The following NFKBID variants were observed in gnomAD, a reference collection of about 807,000 sequenced individuals.
The protein encoded by NFKBID is NFKB inhibitor delta.
NFKBID carries 26 observed loss-of-function variants against 53.4 expected under a neutral mutation model. That is an observed-to-expected ratio of 0.49 (90% CI 0.36 to 0.68). NFKBID has a LOEUF of 0.68. Among genes scored for constraint, NFKBID ranks in the 30% least tolerant of loss-of-function variants. NFKBID has a pLI of 0.00. For synonymous variants in NFKBID, 262 were observed against 259.8 expected (o/e 1.01, Z -0.08); for missense variants, 493 against 614.1 (o/e 0.80, Z 2.08).
chr19:35,900,882 C>A (rs1975539981), upstream of NFKBID, among the ~76,000 whole-genome samples: 1 of 146,760 alleles, frequency 6.8e-6, no homozygotes, highest in African/African-American at 2.5e-5. Flanking sequence ...CTCTGTCGCC[C>A]AGGCTGGAGT....
intron 9 of NFKBID, among the ~76,000 whole-genome samples, chr19:35,891,952 G>A (rs1206951593): frequency 6.6e-6 from 1 of 151,974 alleles, no homozygotes; most frequent in Non-Finnish European, 1.5e-5. Context: ...GTGTGACCAA[G>A]GCTCACTGTA....
rs769474042 is a variant in NFKBID at position 35,896,427 on chromosome 19, C to A, written c.796G>T (p.Val266Leu). 6.2e-7 allele frequency: 1 copy of A among 1,614,202 alleles called. No individual in the cohort carries two copies. Among genetic ancestry groups the A allele is most frequent in the Non-Finnish European group, 8.5e-7 (1 of 1,180,046 alleles). The change falls in exon 7 of 12, where the codon GTG (valine) becomes TTG (leucine). Residue 266 changes from valine to leucine, a missense_variant. Coordinates refer to ENST00000641389, the Ensembl canonical transcript of NFKBID. The surrounding 1 kb of genome is among the most constrained non-coding windows in gnomAD (Gnocchi z 5.7). ...CCTGGGAGCCCGTAGGTAGCGGCCA[C>A]GTGCAAGACCGAACGTCCCTGATGG...
chr19:35,896,555 A>G lies in NFKBID; in HGVS notation c.685-17T>C. On this transcript the variant is annotated splice_polypyrimidine_tract_variant and intron_variant, in intron 6 of 11. Coordinates refer to ENST00000641389, the Ensembl canonical transcript of NFKBID. This position sits in a 1 kb window ranked among gnomAD's most constrained non-coding sequence, Gnocchi z 5.7. ...GAGAGGGGTCTGCAGGCCACAGGAGAAGTCAGGTTGGGCTCCTGGTTCCCT... is the reference window on the plus strand; with the variant it reads ...GAGAGGGGTCTGCAGGCCACAGGAGGAGTCAGGTTGGGCTCCTGGTTCCCT... The G allele has an allele frequency of 6.2e-7, 1 of 1,613,048 alleles. No homozygotes were observed.
chr19:35,893,616 C>T (rs1196524066), intron 9 of NFKBID, among the ~76,000 whole-genome samples: 5 of 150,670 alleles, frequency 3.3e-5, no homozygotes, highest in East Asian at 2.0e-4. Context: ...GTCAGGAGAT[C>T]GAGACCATCC....
At chr19:35,899,476 C>A (rs996212039) in intron 1 of NFKBID, among the ~76,000 whole-genome samples, 7 of 150,456 alleles carry the variant, frequency 4.7e-5, no homozygotes, top group Admixed American at 3.3e-4. Flanking sequence ...AACACTTGAA[C>A]CCGGGAGGCG....
intron 1 of NFKBID, among the ~76,000 whole-genome samples, chr19:35,899,231 C>T (rs553049023): frequency 1.5e-3 from 227 of 152,214 alleles, no homozygotes; most frequent in Non-Finnish European, 2.8e-3. Context: ...ATTTTTTTCC[C>T]TAGAACCTGA....
intron 9 of NFKBID, among the ~76,000 whole-genome samples, chr19:35,893,376 A>G (rs1455753762): frequency 2.6e-5 from 4 of 152,182 alleles, no homozygotes; most frequent in African/African-American, 9.7e-5. Context: ...TAACCCCGCT[A>G]ATAATGCCTT....
chr19:35,898,409 A>G (rs981487451), intron 3 of NFKBID, 63 bp downstream of exon 3: 5 of 1,061,522 alleles, frequency 4.7e-6, no homozygotes, highest in Non-Finnish European at 1.4e-6. Context: ...AAGTTCTGAG[A>G]GCTGCGATGT....
intron 9 of NFKBID, among the ~76,000 whole-genome samples, chr19:35,893,416 T>A (rs1391860966): frequency 2.6e-5 from 4 of 152,210 alleles, no homozygotes; most frequent in African/African-American, 9.6e-5. Context: ...ATGCCCGTCC[T>A]TCTTACAGTC....
chr19:35,895,096 A>C (rs1021232032), intron 9 of NFKBID, among the ~76,000 whole-genome samples: 1 of 152,198 alleles, frequency 6.6e-6, no homozygotes, highest in Non-Finnish European at 1.5e-5. Context: ...TGAGGTTTCA[A>C]TAAGCTAATC....
intron 9 of NFKBID, chr19:35,890,809 G>A: frequency 2.7e-6 from 1 of 372,382 alleles, no homozygotes; most frequent in Non-Finnish European, 5.3e-6. Context: ...GGCTGCAGTG[G>A]GCCATGACCA....
chr19:35,889,781 C>T (rs2146932272), intron 11 of NFKBID, 109 bp downstream of exon 11: 2 of 1,194,484 alleles, frequency 1.7e-6, no homozygotes, highest in Non-Finnish European at 2.4e-6. Flanking sequence ...AAGTCACCTT[C>T]CGAGATTAGA....
chr19:35,892,101 A>C (rs1348905221), intron 9 of NFKBID, among the ~76,000 whole-genome samples: 1 of 151,654 alleles, frequency 6.6e-6, no homozygotes, highest in African/African-American at 2.4e-5. Flanking sequence ...CCCAGGCTGG[A>C]GTGTGGTGGC....
rs765593204 is a variant in NFKBID at position 35,896,019 on chromosome 19, G to A, written c.993C>T (p.Val331=). Residue 331 remains valine, a synonymous_variant, in exon 9 of 12, where the codon GTC becomes GTT. Coordinates refer to ENST00000641389, the Ensembl canonical transcript of NFKBID. The surrounding 1 kb of genome is among the most constrained non-coding windows in gnomAD (Gnocchi z 5.7). ...TAGCACCCATTTGCAGCAACATGTG[G>A]ACACAATCCAGCCTGTCTCGGGCCT... The A allele has an allele frequency of 4.3e-6, 7 of 1,614,172 alleles. No homozygotes were observed. Among genetic ancestry groups the A allele is most frequent in the Non-Finnish European group, 5.1e-6 (6 of 1,180,040 alleles).
chr19:35,896,747 G>A lies in NFKBID; in HGVS notation c.663C>T (p.Asp221=), dbSNP rs138763721. 273 of 1,613,814 alleles carry A rather than the reference G, an allele frequency of 1.7e-4. No individual in the cohort carries two copies. In the African/African-American group the frequency reaches 3.4e-3, roughly 20 times the overall value. ...TCACCTTGCCCTTATGCTCACGAAT[G>A]TCAAGACGCCGGTACACCTGGAGCA... is the stretch of plus-strand genomic sequence containing the variant. The change falls in exon 6 of 12, where the codon GAC becomes GAT. Residue 221 remains aspartate (D), a synonymous_variant. Coordinates refer to ENST00000641389, the Ensembl canonical transcript of NFKBID. The surrounding 1 kb of genome is among the most constrained non-coding windows in gnomAD (Gnocchi z 5.7).
chr19:35,902,213 C>CA, upstream of NFKBID: 2 of 703,218 alleles, frequency 2.8e-6, no homozygotes, highest in African/African-American at 3.5e-5. Flanking sequence ...TGCCAGCAGA[C>CA]ACTCCCATCT....
chr19:35,901,655 G>GA, upstream of NFKBID: 1 of 154,136 alleles, frequency 6.5e-6, no homozygotes, highest in Non-Finnish European at 1.4e-5. Context: ...GCAAAGTGGT[G>GA]AGATCTCGGC....
At position 35,896,352 on chromosome 19, in the gene NFKBID, CT is replaced by C; in HGVS notation, c.831+39del. 6.2e-7 allele frequency: 1 copy of C among 1,614,020 alleles called. No homozygotes were observed. Among genetic ancestry groups the C allele is most frequent in the South Asian group, 1.1e-5 (1 of 91,070 alleles). On this transcript the variant is annotated intron_variant, in intron 7 of 11. Transcript: ENST00000641389. This position sits in a 1 kb window ranked among gnomAD's most constrained non-coding sequence, Gnocchi z 5.7. Reference sequence around the variant, plus strand: ...GGAAGCCAAAATCTGGGCAACCAGTCTACCCCCCAGACAAACCCCTGCCTGC... The same window carrying C: ...GGAAGCCAAAATCTGGGCAACCAGTCACCCCCCAGACAAACCCCTGCCTGC...
At chr19:35,898,754 G>A (rs1444530687) in exon 2 of NFKBID, 3 of 1,535,938 alleles carry the variant, frequency 2.0e-6, no homozygotes, top group South Asian at 2.4e-5. Context: ...TGCTGCTGGC[G>A]GCGCCTCTGC....
Sources: gnomAD v4.1 joint callset for allele counts (sites outside exome capture counted in the v4.1 genomes callset) on GRCh38, gnomAD v4.1.1 for gene constraint, Gnocchi (gnomAD v3.1) non-coding constraint, MANE v1.5 for transcripts, NCBI Gene and HGNC (gene_info 2026-07-23, HGNC 2026-07-21) for gene names.